The following GPLD1 variants were observed in gnomAD, a reference collection of about 807,000 sequenced individuals.
GPLD1 encodes glycosylphosphatidylinositol specific phospholipase D1.
In GPLD1, 84 loss-of-function variants were observed where a neutral mutation model predicts 112.6. That is an observed-to-expected ratio of 0.75 (90% CI 0.63 to 0.89). GPLD1 has a LOEUF of 0.89. Among genes scored for constraint, GPLD1 ranks in the 40% least tolerant of loss-of-function variants. The pLI, the probability that GPLD1 is intolerant of heterozygous loss-of-function variation, is 0.00. For missense variants in GPLD1, 1,044 were observed against 1,051.5 expected, an observed-to-expected ratio of 0.99 and a Z score of 0.10; for synonymous variants, 386 against 403.8, an observed-to-expected ratio of 0.96 and a Z score of 0.53.
chr6:24,481,736 T>C (rs1764210769), intron 2 of GPLD1, among the ~76,000 whole-genome samples: 2 of 152,138 alleles, frequency 1.3e-5, no homozygotes, highest in Non-Finnish European at 2.9e-5. Flanking sequence ...CTGTCAGCAT[T>C]CCCCACGTGG....
At chr6:24,482,996 A>G (rs528987287) in intron 2 of GPLD1, among the ~76,000 whole-genome samples, 1 of 152,304 alleles carries the variant, frequency 6.6e-6, no homozygotes, top group African/African-American at 2.4e-5. Flanking sequence ...ATAGTATGAT[A>G]CTGAAACCAA....
At chr6:24,429,199 G>C in intron 24 of GPLD1, 81 bp from the exon 25 acceptor site, 1 of 797,896 alleles carries the variant, frequency 1.3e-6, no homozygotes, top group Non-Finnish European at 2.1e-6. Context: ...ATCATGCTAT[G>C]CTCTAGAAAT....
chr6:24,480,580 C>T (rs1259970202), intron 2 of GPLD1, among the ~76,000 whole-genome samples: 17 of 152,020 alleles, frequency 1.1e-4, no homozygotes, highest in Admixed American at 8.5e-4. Flanking sequence ...CAAACAAGCA[C>T]GCACATATGT....
At chr6:24,471,484 C>A (rs6910460) in intron 7 of GPLD1, among the ~76,000 whole-genome samples, 34,296 of 151,834 alleles carry the variant, frequency 0.23, 5,615 homozygotes, top group African/African-American at 0.46. Context: ...CAGAAAGAAA[C>A]AGAAAACCAA....
At chr6:24,435,204 G>C (rs944270273) in intron 22 of GPLD1, among the ~76,000 whole-genome samples, 121 of 150,678 alleles carry the variant, frequency 8.0e-4, no homozygotes, top group African/African-American at 2.8e-3. Context: ...GTAGGGACAG[G>C]GTTTCACAGT....
At chr6:24,477,949 G>A (rs1030235271) in intron 3 of GPLD1, among the ~76,000 whole-genome samples, 7 of 152,148 alleles carry the variant, frequency 4.6e-5, no homozygotes, top group Non-Finnish European at 8.8e-5. Flanking sequence ...CAAATTCCCT[G>A]TAACTAGTCA....
At chr6:24,491,954 T>G (rs187111754), upstream of GPLD1, among the ~76,000 whole-genome samples, 2 of 152,332 alleles carry the variant, frequency 1.3e-5, no homozygotes, top group East Asian at 3.9e-4. Flanking sequence ...TAAAGAAAGT[T>G]AAAACGTAGC....
At chr6:24,478,411 G>C (rs1234280987) in intron 3 of GPLD1, among the ~76,000 whole-genome samples, 2 of 152,144 alleles carry the variant, frequency 1.3e-5, no homozygotes, top group Non-Finnish European at 2.9e-5. Flanking sequence ...CAGTCCCAAA[G>C]ACATCACTGA....
intron 20 of GPLD1, among the ~76,000 whole-genome samples, chr6:24,437,937 C>T (rs1308554933): frequency 7.9e-5 from 12 of 152,316 alleles, no homozygotes; most frequent in Non-Finnish European, 8.8e-5. Flanking sequence ...TGCTCCCATA[C>T]ATAATAACAC....
chr6:24,442,073 TTAGCA>T (rs1390441735), intron 20 of GPLD1, among the ~76,000 whole-genome samples: 1 of 149,176 alleles, frequency 6.7e-6, no homozygotes, highest in Admixed American at 6.7e-5. Context: ...ACTTTATAAA[TTAGCA>T]TATTATATAC....
upstream of GPLD1, among the ~76,000 whole-genome samples, chr6:24,493,068 G>C (rs1489313320): frequency 6.6e-6 from 1 of 152,086 alleles, no homozygotes; most frequent in Non-Finnish European, 1.5e-5. Flanking sequence ...AAAGGGAGTG[G>C]GTACCGTTTG....
chr6:24,436,451 TG>T (rs1410746779), intron 22 of GPLD1, 124 bp downstream of exon 22: 1 of 757,246 alleles, frequency 1.3e-6, no homozygotes, highest in Non-Finnish European at 2.2e-6. Context: ...CATGGACAGA[TG>T]ATGGTGTCCT....
chr6:24,457,416 G>A (rs924289558), intron 12 of GPLD1, among the ~76,000 whole-genome samples: 10 of 152,098 alleles, frequency 6.6e-5, no homozygotes, highest in Non-Finnish European at 2.9e-5. Context: ...AAGAGGTTGA[G>A]GCTGCAATGA....
intron 7 of GPLD1, 105 bp from the exon 8 acceptor site, chr6:24,467,379 C>G: frequency 1.4e-6 from 1 of 707,586 alleles, no homozygotes; most frequent in Non-Finnish European, 2.5e-6. Context: ...TTGTGCCAGG[C>G]ACCATGTAAA....
chr6:24,474,067 A>G (rs191951310), intron 5 of GPLD1, among the ~76,000 whole-genome samples: 11 of 151,934 alleles, frequency 7.2e-5, no homozygotes, highest in Admixed American at 1.3e-4. Context: ...CAGAGGTTGC[A>G]GTGAGCCGAG....
chr6:24,491,875 C>T (rs1465882214), upstream of GPLD1, among the ~76,000 whole-genome samples: 2 of 152,102 alleles, frequency 1.3e-5, no homozygotes, highest in African/African-American at 4.8e-5. Flanking sequence ...CTTTATATGA[C>T]AATATTGCTT....
At chr6:24,444,206 C>T (rs191944674) in intron 20 of GPLD1, among the ~76,000 whole-genome samples, 4 of 152,046 alleles carry the variant, frequency 2.6e-5, no homozygotes, top group African/African-American at 9.6e-5. Context: ...AAACTGGAAA[C>T]GAGCCTACAA....
intron 11 of GPLD1, 76 bp downstream of exon 11, chr6:24,462,654 G>T: frequency 3.3e-6 from 3 of 898,202 alleles, no homozygotes; most frequent in South Asian, 1.4e-5. Flanking sequence ...AACAGATCCC[G>T]TGTTCTCAAC....
intron 9 of GPLD1, 27 bp from the exon 10 acceptor site, chr6:24,466,846 A>C: frequency 6.2e-7 from 1 of 1,603,046 alleles, no homozygotes; most frequent in Non-Finnish European, 8.5e-7. Context: ...GAAAAAATAA[A>C]ATGAATATGG....
Sources: allele counts gnomAD v4.1 joint callset (sites outside exome capture counted in the v4.1 genomes callset), GRCh38; gene constraint gnomAD v4.1.1; transcripts MANE v1.5; gene names NCBI Gene and HGNC (gene_info 2026-07-23, HGNC 2026-07-21).